FBXL5: variants seen among roughly 807,000 people sequenced by gnomAD.
FBXL5 encodes F-box and leucine rich repeat protein 5, also known as F-box/LRR-repeat protein 5.
FBXL5 carries 26 observed loss-of-function variants against 78.3 expected under a neutral mutation model. The ratio of observed to expected loss-of-function variants is 0.33; its 90% CI spans 0.24 to 0.46. FBXL5 has a LOEUF of 0.46. Ranked by LOEUF, FBXL5 falls within the 20% of genes least tolerant of loss-of-function variation. FBXL5 has a pLI of 1.00. For synonymous variants in FBXL5, 295 were observed against 282.5 expected (o/e 1.04, Z -0.45); for missense variants, 710 against 829.2 (o/e 0.86, Z 1.77).
upstream of FBXL5, among the ~76,000 whole-genome samples, chr4:15,661,639 TTC>T (rs1420625632): frequency 1.3e-5 from 2 of 152,248 alleles, no homozygotes; most frequent in Admixed American, 6.5e-5. Flanking sequence ...GGTCTTTTTT[TTC>T]TCTTTTTCTC....
intron 1 of FBXL5, among the ~76,000 whole-genome samples, chr4:15,673,509 A>G (rs764438778): frequency 4.6e-5 from 7 of 152,208 alleles, no homozygotes; most frequent in Non-Finnish European, 7.3e-5. Context: ...CCACAGACAC[A>G]TAAGACATCA....
chr4:15,633,860 A>G (rs1371705740), intron 5 of FBXL5, among the ~76,000 whole-genome samples: 1 of 152,210 alleles, frequency 6.6e-6, no homozygotes, highest in Non-Finnish European at 1.5e-5. Flanking sequence ...TTTGCCTCCC[A>G]AAGTGCTAGG....
intron 1 of FBXL5, among the ~76,000 whole-genome samples, chr4:15,676,330 T>C (rs1351426158): frequency 1.3e-5 from 2 of 151,802 alleles, no homozygotes; most frequent in African/African-American, 4.8e-5. Flanking sequence ...TTACAGAAAA[T>C]AAACATGATA....
At chr4:15,617,319 A>T (rs950623307) in intron 9 of FBXL5, among the ~76,000 whole-genome samples, 3 of 152,168 alleles carry the variant, frequency 2.0e-5, no homozygotes, top group Admixed American at 6.5e-5. Flanking sequence ...AGGCAGGTGG[A>T]CTGCCTGAGC....
intron 5 of FBXL5, among the ~76,000 whole-genome samples, chr4:15,632,960 G>C (rs1432680017): frequency 6.6e-6 from 1 of 152,210 alleles, no homozygotes; most frequent in Non-Finnish European, 1.5e-5. Context: ...GGAGTGGTGA[G>C]AGAGGGCATC....
chr4:15,655,438 G>A (rs1716793956), upstream of FBXL5: 7 of 982,670 alleles, frequency 7.1e-6, no homozygotes, highest in African/African-American at 3.6e-5. Flanking sequence ...GGACGCGGGG[G>A]CGCGCAGGCC....
intron 1 of FBXL5, among the ~76,000 whole-genome samples, chr4:15,648,010 G>A (rs1281507848): frequency 1.3e-5 from 2 of 152,042 alleles, no homozygotes; most frequent in African/African-American, 4.8e-5. Context: ...GGTGTGGTGT[G>A]CACCACACCC....
At chr4:15,674,171 T>G (rs1717876088) in intron 1 of FBXL5, among the ~76,000 whole-genome samples, 1 of 151,380 alleles carries the variant, frequency 6.6e-6, no homozygotes, top group Admixed American at 6.6e-5. Context: ...CTGGAAATAC[T>G]AAAGAATGAT....
intron 9 of FBXL5, among the ~76,000 whole-genome samples, chr4:15,623,024 G>A (rs1468547908): frequency 6.6e-6 from 1 of 152,158 alleles, no homozygotes; most frequent in African/African-American, 2.4e-5. Flanking sequence ...TTAATGAAGT[G>A]CCAAAAATCA....
chr4:15,666,671 ACAT>A (rs1266304838), intron 1 of FBXL5, among the ~76,000 whole-genome samples: 1 of 152,108 alleles, frequency 6.6e-6, no homozygotes, highest in Non-Finnish European at 1.5e-5. Flanking sequence ...TCTCTACTAA[ACAT>A]CAAAAAAATT....
chr4:15,675,959 A>G (rs1325385339), intron 1 of FBXL5, among the ~76,000 whole-genome samples: 1 of 152,218 alleles, frequency 6.6e-6, no homozygotes, highest in Non-Finnish European at 1.5e-5. Context: ...ATCCACAGAT[A>G]TCAAAGATTT....
At chr4:15,651,619 C>G (rs1404751692) in intron 1 of FBXL5, among the ~76,000 whole-genome samples, 1 of 152,142 alleles carries the variant, frequency 6.6e-6, no homozygotes, top group Admixed American at 6.5e-5. Flanking sequence ...TAAAGCTATA[C>G]TCACTCATTT....
At chr4:15,615,014 G>A (rs1021859728) in intron 9 of FBXL5, among the ~76,000 whole-genome samples, 3 of 152,152 alleles carry the variant, frequency 2.0e-5, no homozygotes, top group East Asian at 1.9e-4. Context: ...CAGAGCAGCC[G>A]GCCAGCCCTG....
At chr4:15,608,717 A>G (rs1722045431) in intron 10 of FBXL5, among the ~76,000 whole-genome samples, 1 of 152,076 alleles carries the variant, frequency 6.6e-6, no homozygotes, top group South Asian at 2.1e-4. Flanking sequence ...AATCTGTTTA[A>G]AGAAGGCTAT....
At chr4:15,612,086 CT>C (rs1722308196) in intron 10 of FBXL5, 179 bp downstream of exon 10, 2 of 494,812 alleles carry the variant, frequency 4.0e-6, no homozygotes, top group Non-Finnish European at 6.8e-6. Context: ...AAAAACTTAC[CT>C]TTCAAGATGT....
chr4:15,629,183 A>T (rs916713164), intron 6 of FBXL5, among the ~76,000 whole-genome samples: 2 of 152,194 alleles, frequency 1.3e-5, no homozygotes, highest in Non-Finnish European at 2.9e-5. Context: ...TTATCTAAAA[A>T]GGCTCAATCT....
At chr4:15,616,733 C>T (rs10034315) in intron 9 of FBXL5, among the ~76,000 whole-genome samples, 114,876 of 152,120 alleles carry the variant, frequency 0.76, 43,642 homozygotes, top group East Asian at 0.91. Context: ...CAGGGATCTC[C>T]CCACTGCTTC....
chr4:15,627,650 CTTCTAGTCAGT>C (rs937457256), intron 7 of FBXL5, among the ~76,000 whole-genome samples: 1 of 152,156 alleles, frequency 6.6e-6, no homozygotes, highest in African/African-American at 2.4e-5. Flanking sequence ...TGTTTAACCT[CTTCTAGTCAGT>C]TTCCTCATCT....
At position 15,604,574 on chromosome 4, in the gene FBXL5, T is replaced by TA. The variant is rs1447339507; in HGVS notation, c.*1148dup. On this transcript the variant is annotated 3_prime_UTR_variant, in exon 11 of 11. Transcript: ENST00000341285. ...AGTTTTATTGGAAACATGGCACCAA[T>TA]AGACTGGCTCAACGCAGAGTTGCCA... 1 of 152,198 alleles carries TA rather than the reference T, an allele frequency of 6.6e-6. No individual in the cohort carries two copies. Among genetic ancestry groups the TA allele is most frequent in the East Asian group, 1.9e-4 (1 of 5,194 alleles). 9.4% of individuals were successfully genotyped at this position (152,198 alleles called of 1,614,324 possible).
Sources: gnomAD v4.1 joint callset for allele counts (sites outside exome capture counted in the v4.1 genomes callset) on GRCh38, gnomAD v4.1.1 for gene constraint, MANE v1.5 for transcripts, NCBI Gene and HGNC (gene_info 2026-07-23, HGNC 2026-07-21) for gene names.